The following ANKRD66 variants were observed in gnomAD, a reference collection of about 807,000 sequenced individuals.
ANKRD66 encodes ankyrin repeat domain-containing protein 66.
ANKRD66 carries 10 observed loss-of-function variants against 10.9 expected under a neutral mutation model. The ratio of observed to expected loss-of-function variants is 0.91; its 90% CI spans 0.56 to 1.55. The LOEUF is 1.55. ANKRD66 is among the 40% of genes most tolerant of loss of function. The probability of loss-of-function intolerance (pLI) is 0.00; values close to 1 mark genes in which losing one functional copy is unlikely to be tolerated. For missense variants in ANKRD66, 252 were observed against 242.9 expected, an observed-to-expected ratio of 1.04 and a Z score of -0.25; for synonymous variants, 85 against 88.4, an observed-to-expected ratio of 0.96 and a Z score of 0.22.
intron 1 of ANKRD66, among the ~76,000 whole-genome samples, chr6:46,748,119 T>C (rs147814636): frequency 1.6e-3 from 249 of 152,354 alleles, no homozygotes; most frequent in Admixed American, 3.1e-3. Flanking sequence ...TATCCAGTTG[T>C]CTCAGCATCA....
rs553882837 is a variant in ANKRD66 at position 46,747,465 on chromosome 6, C to T, written c.-97+475C>T. On this transcript the variant is annotated intron_variant, in intron 1 of 4. Coordinates refer to ENST00000565422, the MANE Select transcript of ANKRD66 (RefSeq NM_001162435.3). ...ATCAGCAGTCACTCCCCACCCCAAC[C>T]TCCATCGCAGCCCTAGGCTGCCTAT... Among the ~76,000 whole-genome samples, 3 of 152,314 alleles carry T rather than the reference C, an allele frequency of 2.0e-5. No homozygotes were observed. The East Asian group carries it at 5.8e-4, about 29-fold the overall frequency.
chr6:46,754,679 T>C (rs1046125211), intron 4 of ANKRD66, among the ~76,000 whole-genome samples: 3 of 152,168 alleles, frequency 2.0e-5, no homozygotes, highest in Admixed American at 2.0e-4. Flanking sequence ...TGGGGTGCCC[T>C]CCGAAGAACC....
At position 46,753,938 on chromosome 6, in the gene ANKRD66, C is replaced by A. The variant is rs757432709; in HGVS notation, c.380C>A (p.Ala127Glu). The change falls in exon 4 of 5, where the codon GCA becomes GAA. Residue 127 changes from alanine (A) to glutamate (E), a missense_variant. Transcript: ENST00000565422. ...AQIYGQKACV[A>E]FLEKAEPECQ... The stretch of plus-strand genomic sequence containing the variant: ...ATCTATGGACAGAAAGCCTGTGTGG[C>A]ATTTCTGGAAAAGTAAGTTTATTTT... The A allele has an allele frequency of 6.4e-7, 1 of 1,550,764 alleles. No homozygotes were observed. The highest frequency in any genetic ancestry group is 8.7e-7 in the Non-Finnish European group (1 of 1,146,562).
At chr6:46,755,032 T>C (rs1463530631) in intron 4 of ANKRD66, among the ~76,000 whole-genome samples, 2 of 152,224 alleles carry the variant, frequency 1.3e-5, no homozygotes, top group East Asian at 3.9e-4. Context: ...TCCTGCATTA[T>C]CACCAGGTCT....
At chr6:46,749,158 A>G (rs1766208708) in intron 1 of ANKRD66, among the ~76,000 whole-genome samples, 1 of 152,160 alleles carries the variant, frequency 6.6e-6, no homozygotes. Flanking sequence ...GTGCCTGGCC[A>G]CTGCCCAGGC....
Position 46,753,806 on chromosome 6 carries a change from T to A in ANKRD66, c.248T>A (p.Phe83Tyr). The change falls in exon 4 of 5, where the codon TTT becomes TAT. Residue 83 changes from phenylalanine to tyrosine, a missense_variant. By Grantham distance (22) the Phe-to-Tyr change is conservative. Transcript: ENST00000565422. ...VTSVGWTPAH[F>Y]AAEAGHLNIL... Reference sequence around the variant, plus strand: ...AGTGTGGGCTGGACCCCAGCTCATTTTGCAGCAGAAGCAGGCCATCTGAAT... The same window carrying A: ...AGTGTGGGCTGGACCCCAGCTCATTATGCAGCAGAAGCAGGCCATCTGAAT... The A allele has an allele frequency of 6.4e-7, 1 of 1,551,710 alleles. No homozygotes were observed. The highest frequency in any genetic ancestry group is 8.7e-7 in the Non-Finnish European group (1 of 1,146,990).
chr6:46,759,095 A>G lies in ANKRD66; in HGVS notation c.*174A>G. The stretch of plus-strand genomic sequence containing the variant: ...GGCTGTTGTTTCCTGGCTAGCACCT[A>G]CTGTGTACAATAATTACCGGGAAAG... On this transcript the variant is annotated 3_prime_UTR_variant, in exon 5 of 5. Coordinates refer to ENST00000565422, the MANE Select transcript of ANKRD66 (RefSeq NM_001162435.3). 1 of 532,436 alleles carries G rather than the reference A, an allele frequency of 1.9e-6. No individual in the cohort carries two copies. Among genetic ancestry groups the G allele is most frequent in the Non-Finnish European group, 3.2e-6 (1 of 312,564 alleles). 33.0% of individuals were successfully genotyped at this position (532,436 alleles called of 1,614,324 possible).
chr6:46,749,757 G>C (rs1314281089), intron 1 of ANKRD66, 139 bp from the exon 2 acceptor site: 1 of 910,802 alleles, frequency 1.1e-6, no homozygotes, highest in Non-Finnish European at 1.5e-6. Flanking sequence ...CTGACCCATC[G>C]CATCAGGACC....
chr6:46,753,920 G>T lies in ANKRD66; in HGVS notation c.362G>T (p.Gly121Val). Reference protein sequence around the residue: ...DTPKRIAQIYGQKACVAFLEK... With the variant: ...DTPKRIAQIYVQKACVAFLEK... ...CCGAAGAGGATTGCACAGATCTATG[G>T]ACAGAAAGCCTGTGTGGCATTTCTG... Residue 121 changes from glycine to valine, a missense_variant, in exon 4 of 5, where the codon GGA (glycine) becomes GTA (valine). Physicochemically the swap from Gly to Val is moderately radical, Grantham distance 109 (BLOSUM62 -3). Transcript: ENST00000565422. The T allele has an allele frequency of 1.3e-6, 2 of 1,551,564 alleles. No individual in the cohort carries two copies.
chr6:46,752,707 C>G (rs1766296996), intron 3 of ANKRD66, among the ~76,000 whole-genome samples: 1 of 152,210 alleles, frequency 6.6e-6, no homozygotes, highest in African/African-American at 2.4e-5. Context: ...GCCTATCTTA[C>G]AGTCTGCTCT....
At chr6:46,751,652 G>A (rs1766271097) in intron 2 of ANKRD66, among the ~76,000 whole-genome samples, 1 of 152,164 alleles carries the variant, frequency 6.6e-6, no homozygotes, top group African/African-American at 2.4e-5. Context: ...CTCTGAAGTA[G>A]GAGTAGGAAA....
intron 3 of ANKRD66, among the ~76,000 whole-genome samples, chr6:46,752,391 C>G (rs145019539): frequency 3.3e-5 from 5 of 152,234 alleles, no homozygotes; most frequent in Non-Finnish European, 5.9e-5. Flanking sequence ...TGTGCCACCA[C>G]GACTAGTGAA....
At chr6:46,751,823 G>A in intron 2 of ANKRD66, 114 bp from the exon 3 acceptor site, 1 of 1,132,484 alleles carries the variant, frequency 8.8e-7, no homozygotes, top group Non-Finnish European at 1.2e-6. Flanking sequence ...GAGGCAAACT[G>A]AGAGGCAAAT....
In ANKRD66 at chr6:46,753,878, A is replaced by C. The variant is rs1461747589; in HGVS notation, c.320A>C (p.Asp107Ala). Residue 107 changes from aspartate (D) to alanine (A), a missense_variant, in exon 4 of 5, where the codon GAC becomes GCC. Asp to Ala is a moderately radical substitution (Grantham distance 126, BLOSUM62 -2). Coordinates refer to ENST00000565422, the MANE Select transcript of ANKRD66 (RefSeq NM_001162435.3). ...HALHAAIDAP[D>A]FFGDTPKRIA... Reference sequence around the variant, plus strand: ...TTGCACGCTGCCATCGACGCCCCTGACTTCTTTGGAGACACACCGAAGAGG... The same window carrying C: ...TTGCACGCTGCCATCGACGCCCCTGCCTTCTTTGGAGACACACCGAAGAGG... 6.4e-7 allele frequency: 1 copy of C among 1,551,482 alleles called. No individual in the cohort carries two copies. The highest frequency in any genetic ancestry group is 8.7e-7 in the Non-Finnish European group (1 of 1,146,984).
chr6:46,748,092 A>G (rs568799359), intron 1 of ANKRD66, among the ~76,000 whole-genome samples: 5 of 152,350 alleles, frequency 3.3e-5, no homozygotes, highest in African/African-American at 4.8e-5. Flanking sequence ...GACCAACTTC[A>G]TTCTTTTAGC....
chr6:46,754,591 G>C (rs967462176), intron 4 of ANKRD66, among the ~76,000 whole-genome samples: 55 of 152,128 alleles, frequency 3.6e-4, no homozygotes, highest in African/African-American at 1.3e-3. Context: ...AGAGAAAGTA[G>C]AGTATTGGAG....
chr6:46,751,074 T>C (rs980296376), intron 2 of ANKRD66, among the ~76,000 whole-genome samples: 7 of 152,224 alleles, frequency 4.6e-5, no homozygotes, highest in African/African-American at 1.7e-4. Context: ...ATAAAAATAA[T>C]TCTTATTGTT....
At chr6:46,755,963 T>A (rs1766375232) in intron 4 of ANKRD66, 1 of 303,158 alleles carries the variant, frequency 3.3e-6, no homozygotes, top group East Asian at 9.7e-5. Flanking sequence ...AAGTGTACAG[T>A]TCATCAGTGT....
In ANKRD66 at chr6:46,749,967, A is replaced by G. The variant is rs1390208560; in HGVS notation, c.-25A>G. On this transcript the variant is annotated 5_prime_UTR_variant, in exon 2 of 5. Transcript: ENST00000565422. Reference sequence around the variant, plus strand: ...CAAAGATGGCCGGACCCCTGCCCAGAGTTTCAGATTCTGTAAGTCTGGGGC... The same window carrying G: ...CAAAGATGGCCGGACCCCTGCCCAGGGTTTCAGATTCTGTAAGTCTGGGGC... The G allele has an allele frequency of 3.4e-6, 5 of 1,475,954 alleles. No individual in the cohort carries two copies. Among genetic ancestry groups the G allele is most frequent in the Non-Finnish European group, 4.6e-6 (5 of 1,078,364 alleles). The allele number at this position is 1,475,954 out of a possible 1,614,324, so 91.4% of individuals were successfully genotyped here.
Sources: gnomAD v4.1 joint callset for allele counts (sites outside exome capture counted in the v4.1 genomes callset) on GRCh38, gnomAD v4.1.1 for gene constraint, MANE v1.5 for transcripts, NCBI Gene and HGNC (gene_info 2026-07-23, HGNC 2026-07-21) for gene names.